Variants in STPG2 observed in about 807,000 individuals in gnomAD.
STPG2 encodes sperm-tail PG-rich repeat-containing protein 2.
A neutral mutation model predicts 54.2 loss-of-function variants in STPG2; 56 were observed. That is an observed-to-expected ratio of 1.03 (90% confidence interval 0.83 to 1.29). The LOEUF (loss-of-function observed/expected upper bound fraction) is 1.29. Among genes scored for constraint, STPG2 ranks in the 50% most tolerant of loss-of-function variants. The pLI, the probability that STPG2 is intolerant of heterozygous loss-of-function variation, is 0.00. For missense variants in STPG2, 596 were observed against 544.9 expected, an observed-to-expected ratio of 1.09 and a Z score of -0.93; for synonymous variants, 200 against 181.8, an observed-to-expected ratio of 1.10 and a Z score of -0.81.
intron 5 of STPG2, among the ~76,000 whole-genome samples, chr4:98,051,413 A>C (rs981446476): frequency 3.3e-5 from 5 of 152,002 alleles, no homozygotes; most frequent in Non-Finnish European, 7.4e-5. Flanking sequence ...TGTTGATGGC[A>C]TTGGGAAATG....
chr4:97,857,451 G>C (rs902661828), intron 8 of STPG2, among the ~76,000 whole-genome samples: 3 of 152,114 alleles, frequency 2.0e-5, no homozygotes, highest in Non-Finnish European at 4.4e-5. Flanking sequence ...GGTCATAAAG[G>C]TGTTTATAGT....
Position 97,981,272 on chromosome 4 carries a change from T to C in STPG2, c.659A>G (p.Asn220Ser). The C allele has an allele frequency of 6.2e-7, 1 of 1,614,054 alleles. No individual in the cohort carries two copies. The highest frequency in any genetic ancestry group is 2.2e-5 in the East Asian group (1 of 44,834). The change falls in exon 6 of 11, where the codon AAT (asparagine) becomes AGT (serine). Residue 220 changes from asparagine to serine, a missense_variant. Asn to Ser is a conservative substitution (Grantham distance 46). Transcript: ENST00000295268. ...KSITPAPGTY[N>S]EPRTALKSLK... Reference sequence around the variant, plus strand: ...AGACTTGAGAGCAGTTCGAGGTTCATTATATGTGCCAGGAGCCGGGGTGAT... The same window carrying C: ...AGACTTGAGAGCAGTTCGAGGTTCACTATATGTGCCAGGAGCCGGGGTGAT...
intron 10 of STPG2, among the ~76,000 whole-genome samples, chr4:97,700,919 A>C (rs1053154676): frequency 6.6e-6 from 1 of 152,202 alleles, no homozygotes; most frequent in African/African-American, 2.4e-5. Context: ...CAGCAGCTGA[A>C]ATTGGAGTCA....
chr4:97,847,340 C>G (rs1728985587), intron 8 of STPG2, among the ~76,000 whole-genome samples: 1 of 152,052 alleles, frequency 6.6e-6, no homozygotes, highest in Non-Finnish European at 1.5e-5. Context: ...TCGTAAAATA[C>G]ATGACTTAGA....
intron 10 of STPG2, among the ~76,000 whole-genome samples, chr4:97,565,626 T>C (rs1732409076): frequency 6.6e-6 from 1 of 152,200 alleles, no homozygotes; most frequent in Admixed American, 6.5e-5. Context: ...GGATATCCTT[T>C]CTGTTTGTTA....
At chr4:97,748,558 A>G (rs765748449) in intron 9 of STPG2, among the ~76,000 whole-genome samples, 9 of 151,570 alleles carry the variant, frequency 5.9e-5, no homozygotes, top group Non-Finnish European at 5.9e-5. Flanking sequence ...GACTAAATGT[A>G]TCAGGGACCA....
chr4:97,982,839 T>C (rs573883123), intron 5 of STPG2, among the ~76,000 whole-genome samples: 5 of 152,200 alleles, frequency 3.3e-5, no homozygotes, highest in Admixed American at 6.5e-5. Context: ...GACATACTAC[T>C]AGGTGGGTGA....
chr4:97,702,858 C>T (rs996653458), intron 10 of STPG2, among the ~76,000 whole-genome samples: 14 of 152,104 alleles, frequency 9.2e-5, no homozygotes, highest in African/African-American at 3.1e-4. Flanking sequence ...TTTCGTTGCA[C>T]GTCAGCCACT....
At chr4:98,076,659 A>C (rs1002472808) in intron 5 of STPG2, among the ~76,000 whole-genome samples, 24 of 152,182 alleles carry the variant, frequency 1.6e-4, no homozygotes, top group Non-Finnish European at 5.9e-5. Flanking sequence ...CCCTGCTGAC[A>C]GTATATAATG....
chr4:97,901,020 C>T (rs1047976753), intron 8 of STPG2, among the ~76,000 whole-genome samples: 3 of 151,786 alleles, frequency 2.0e-5, no homozygotes, highest in African/African-American at 7.2e-5. Context: ...AAGAAAAAAA[C>T]AAATCCACAT....
At chr4:97,789,993 C>A (rs557471210) in intron 9 of STPG2, among the ~76,000 whole-genome samples, 3 of 152,180 alleles carry the variant, frequency 2.0e-5, no homozygotes, top group African/African-American at 7.2e-5. Flanking sequence ...GCACCTAATC[C>A]ATGAAAGGAG....
downstream of STPG2, among the ~76,000 whole-genome samples, chr4:97,558,179 T>A (rs1732125762): frequency 1.3e-5 from 2 of 152,336 alleles, no homozygotes; most frequent in South Asian, 4.1e-4. Flanking sequence ...TTCAGGTTTT[T>A]TCAATAAATA....
At chr4:97,968,816 A>C (rs1287708894) in intron 7 of STPG2, among the ~76,000 whole-genome samples, 1 of 152,240 alleles carries the variant, frequency 6.6e-6, no homozygotes, top group Non-Finnish European at 1.5e-5. Flanking sequence ...TAAATACAAA[A>C]TTGCATGCAG....
intron 5 of STPG2, among the ~76,000 whole-genome samples, chr4:98,018,415 C>T (rs1184140566): frequency 3.9e-5 from 6 of 152,168 alleles, no homozygotes; most frequent in Non-Finnish European, 7.3e-5. Context: ...TCCAGTCTAT[C>T]ATTGTTGGAC....
chr4:98,069,606 T>G (rs777125533), intron 5 of STPG2, among the ~76,000 whole-genome samples: 2 of 152,010 alleles, frequency 1.3e-5, no homozygotes, highest in Non-Finnish European at 2.9e-5. Context: ...AGAGTTTGAG[T>G]TCTAACTGTT....
chr4:97,670,343 A>T (rs1299550721), intron 10 of STPG2, among the ~76,000 whole-genome samples: 1 of 152,190 alleles, frequency 6.6e-6, no homozygotes, highest in African/African-American at 2.4e-5. Flanking sequence ...TTCCAAAAAG[A>T]TTCCATAATT....
intron 5 of STPG2, among the ~76,000 whole-genome samples, chr4:98,005,789 T>A (rs1326771568): frequency 6.6e-6 from 1 of 152,192 alleles, no homozygotes; most frequent in African/African-American, 2.4e-5. Context: ...TGTTGAGAAG[T>A]TTTATATCTC....
At chr4:97,468,685 C>T (rs962508807) in intron 4 of STPG2, among the ~76,000 whole-genome samples, 2 of 151,964 alleles carry the variant, frequency 1.3e-5, no homozygotes, top group African/African-American at 4.8e-5. Context: ...TAAATTTTTT[C>T]CTATGCCCTA....
In STPG2 at chr4:97,826,937, A is replaced by G. The variant is rs143735227; in HGVS notation, c.1204+13836T>C. Among the ~76,000 whole-genome samples the G allele has an allele frequency of 4.6e-3, 702 of 152,302 alleles. 6 individuals are homozygous for G. Among genetic ancestry groups the G allele is most frequent in the Middle Eastern group, 0.027 (8 of 294 alleles). On this transcript the variant is annotated intron_variant, in intron 9 of 10. Transcript: ENST00000295268. The stretch of plus-strand genomic sequence containing the variant: ...TAAGACATTTTGTCATTCACAGACA[A>G]TTGTTGTCTTGTTTTGGTCCCCTTC...
Sources: gnomAD v4.1 joint callset for allele counts (sites outside exome capture counted in the v4.1 genomes callset) on GRCh38, gnomAD v4.1.1 for gene constraint, MANE v1.5 for transcripts, NCBI Gene and HGNC (gene_info 2026-07-23, HGNC 2026-07-21) for gene names.